Variants in SLC25A44 observed in about 807,000 individuals in gnomAD.
SLC25A44 encodes the protein solute carrier family 25 member 44.
In SLC25A44, 17 loss-of-function variants were observed where a neutral mutation model predicts 29.9. The ratio of observed to expected loss-of-function variants is 0.57; its 90% CI spans 0.39 to 0.85. The LOEUF is 0.85. Ranked by LOEUF, SLC25A44 falls within the 40% of genes least tolerant of loss-of-function variation. The pLI is 0.00. For synonymous variants in SLC25A44, 140 were observed against 151.8 expected (o/e 0.92, Z 0.57); for missense variants, 302 against 398.4 (o/e 0.76, Z 2.06).
chr1:156,205,865 C>A (rs1656896004), intron 2 of SLC25A44, among the ~76,000 whole-genome samples: 1 of 152,190 alleles, frequency 6.6e-6, no homozygotes, highest in Non-Finnish European at 1.5e-5. Context: ...ATGACCAGCT[C>A]ATGGTAGTCA....
chr1:156,200,173 C>T lies in SLC25A44; in HGVS notation c.326C>T (p.Thr109Ile). 1.2e-6 allele frequency: 2 copies of T among 1,614,206 alleles called. No individual in the cohort carries two copies. Among genetic ancestry groups the T allele is most frequent in the Non-Finnish European group, 8.5e-7 (1 of 1,180,024 alleles). The change falls in exon 2 of 4, where the codon ACA (threonine) becomes ATA (isoleucine). Residue 109 changes from threonine to isoleucine, a missense_variant. Thr to Ile is a moderately conservative substitution (Grantham distance 89). Coordinates refer to ENST00000359511, the MANE Select transcript of SLC25A44 (RefSeq NM_014655.4). ...KFVADYSQSNTVKSLVAGGSA... is the reference protein window; with the variant it reads ...KFVADYSQSNIVKSLVAGGSA... ...GTAGCTGACTACAGCCAGAGTAACA[C>T]AGTCAAATCACTGGTGGCTGGTGGC...
chr1:156,203,789 C>T (rs1260118223), intron 2 of SLC25A44, among the ~76,000 whole-genome samples: 2 of 150,814 alleles, frequency 1.3e-5, no homozygotes, highest in East Asian at 1.9e-4. Flanking sequence ...CTGCAAGCCC[C>T]GCCTCCTGGG....
rs1656431035 is a variant in SLC25A44, at chr1:156,199,753, G to A, written c.-13-82G>A. On this transcript the variant is annotated intron_variant, in intron 1 of 3. Coordinates refer to ENST00000359511, the MANE Select transcript of SLC25A44 (RefSeq NM_014655.4). ...GTCCAGGAGATGAGGGCTGAGAATG[G>A]GCCTTCAGAGCCCAGCCAGAAGGGG... 5.7e-6 allele frequency: 7 copies of A among 1,227,598 alleles called. No individual in the cohort carries two copies. In the East Asian group the frequency reaches 1.4e-4, roughly 24 times the overall value. The allele number at this position is 1,227,598 out of a possible 1,614,324, so 76.0% of individuals were successfully genotyped here. A position where few individuals can be genotyped will look rare whatever the true frequency, so the allele number is the denominator to read the frequency against.
At chr1:156,205,672 C>G (rs1304046227) in intron 2 of SLC25A44, among the ~76,000 whole-genome samples, 1 of 152,184 alleles carries the variant, frequency 6.6e-6, no homozygotes, top group East Asian at 1.9e-4. Context: ...CAACCCCTTC[C>G]CTTCCACTGT....
Position 156,200,161 on chromosome 1 carries a change from G to A in SLC25A44, c.314G>A (p.Ser105Asn). The A allele has an allele frequency of 1.2e-6, 2 of 1,614,206 alleles. No homozygotes were observed. The highest frequency in any genetic ancestry group is 1.7e-6 in the Non-Finnish European group (2 of 1,180,034). The stretch of plus-strand genomic sequence containing the variant: ...ACCCGGAAGTTTGTAGCTGACTACA[G>A]CCAGAGTAACACAGTCAAATCACTG... The part of the protein sequence containing the change: ...ELTRKFVADY[S>N]QSNTVKSLVA... Residue 105 changes from serine to asparagine, a missense_variant, in exon 2 of 4, where the codon AGC (serine) becomes AAC (asparagine). By Grantham distance (46) the Ser-to-Asn change is conservative. Coordinates refer to ENST00000359511, the MANE Select transcript of SLC25A44 (RefSeq NM_014655.4).
In SLC25A44 at chr1:156,211,757, C is replaced by G. The variant is rs964757041; in HGVS notation, c.*1326C>G. On this transcript the variant is annotated 3_prime_UTR_variant, in exon 4 of 4. Coordinates refer to ENST00000359511, the MANE Select transcript of SLC25A44 (RefSeq NM_014655.4). Reference sequence around the variant, plus strand: ...CCTCCCTACCGCTACTCTCCCCAAGCCTGTGTTGCAGGTAGAGAGGTGCAG... The same window carrying G: ...CCTCCCTACCGCTACTCTCCCCAAGGCTGTGTTGCAGGTAGAGAGGTGCAG... 3 of 152,770 alleles carry G rather than the reference C, an allele frequency of 2.0e-5. No individual in the cohort carries two copies. The highest frequency in any genetic ancestry group is 1.3e-4 in the Admixed American group (2 of 15,270). The allele number at this position is 152,770 out of a possible 1,614,324, so 9.5% of individuals were successfully genotyped here.
In SLC25A44 at chr1:156,200,541, G is replaced by C. The variant is rs570978224; in HGVS notation, c.625+69G>C. ...AATGGGGCTGAGATACTGTTGCTTT[G>C]TGCATGTTAGAGTGGAGGTGAGATT... On this transcript the variant is annotated intron_variant, in intron 2 of 3. Coordinates refer to ENST00000359511, the MANE Select transcript of SLC25A44 (RefSeq NM_014655.4). 5.6e-6 allele frequency: 8 copies of C among 1,419,884 alleles called. No individual in the cohort carries two copies. The African/African-American group carries it at 9.9e-5, about 18-fold the overall frequency. The allele number at this position is 1,419,884 out of a possible 1,614,324, so 88.0% of individuals were successfully genotyped here. A position where few individuals can be genotyped will look rare whatever the true frequency, so the allele number is the denominator to read the frequency against.
At chr1:156,204,689 T>C (rs1356328362) in intron 2 of SLC25A44, among the ~76,000 whole-genome samples, 1 of 152,116 alleles carries the variant, frequency 6.6e-6, no homozygotes, top group Non-Finnish European at 1.5e-5. Flanking sequence ...GGTTTTACCA[T>C]GTTGGCCAGG....
intron 3 of SLC25A44, among the ~76,000 whole-genome samples, chr1:156,208,423 C>T (rs1465108898): frequency 1.3e-5 from 2 of 152,026 alleles, no homozygotes; most frequent in African/African-American, 4.8e-5. Context: ...GCCGAGATCA[C>T]GCCACTGCAC....
chr1:156,210,349 C>CG lies in SLC25A44; in HGVS notation c.863_864insG (p.Thr289HisfsTer9). On this transcript the variant is annotated frameshift_variant, in exon 4 of 4. Coordinates refer to ENST00000359511, the MANE Select transcript of SLC25A44 (RefSeq NM_014655.4). LOFTEE classifies it high-confidence loss of function. ...GCCAGAATCATCTCAGCCACACCTT[C>CG]CACCATTGTCATTGTGGTGGGCTAT... is the stretch of plus-strand genomic sequence containing the variant. The CG allele has an allele frequency of 6.2e-7, 1 of 1,609,436 alleles. No homozygotes were observed. The highest frequency in any genetic ancestry group is 8.5e-7 in the Non-Finnish European group (1 of 1,177,988).
intron 1 of SLC25A44, chr1:156,197,024 C>T (rs1481997501): frequency 6.6e-6 from 1 of 152,226 alleles, no homozygotes; most frequent in African/African-American, 2.4e-5. Flanking sequence ...CTACCTGACC[C>T]TCCATTTCCT....
At position 156,200,471 on chromosome 1, in the gene SLC25A44, A is replaced by T; in HGVS notation, c.624A>T (p.Ala208=). 1 of 1,600,406 alleles carries T rather than the reference A, an allele frequency of 6.2e-7. No homozygotes were observed. The highest frequency in any genetic ancestry group is 8.5e-7 in the Non-Finnish European group (1 of 1,172,558). ...AVWWPFYHFY[A]EQLSYLCPKE... The stretch of plus-strand genomic sequence containing the variant: ...GGTGGCCCTTCTATCACTTCTATGC[A>T]GGTAAGCAGGGGCCAGGACAGTGGG... The change falls in exon 2 of 4, where the codon GCA becomes GCT. Residue 208 remains alanine, a splice_region_variant and synonymous_variant. Coordinates refer to ENST00000359511, the MANE Select transcript of SLC25A44 (RefSeq NM_014655.4).
intron 2 of SLC25A44, among the ~76,000 whole-genome samples, chr1:156,206,377 A>G (rs1454180615): frequency 2.6e-5 from 4 of 151,794 alleles, no homozygotes; most frequent in Admixed American, 6.6e-5. Flanking sequence ...AGCTGGGATT[A>G]CAGGTGTGCA....
chr1:156,206,779 C>T (rs973193174), intron 2 of SLC25A44, among the ~76,000 whole-genome samples: 3 of 152,232 alleles, frequency 2.0e-5, no homozygotes, highest in African/African-American at 7.2e-5. Context: ...GTGATCCACC[C>T]ATCTTGGCCT....
chr1:156,197,300 CA>C (rs1656270401), intron 1 of SLC25A44: 2 of 152,238 alleles, frequency 1.3e-5, no homozygotes, highest in South Asian at 4.1e-4. Context: ...CAGCAAGTGG[CA>C]TATCATTGTT....
At chr1:156,202,204 G>C (rs1172566910) in intron 2 of SLC25A44, among the ~76,000 whole-genome samples, 3 of 152,088 alleles carry the variant, frequency 2.0e-5, no homozygotes, top group African/African-American at 7.2e-5. Context: ...CATACCTGCT[G>C]CCTTCCCTGG....
At chr1:156,197,487 G>C (rs942958956) in intron 1 of SLC25A44, 4 of 151,824 alleles carry the variant, frequency 2.6e-5, no homozygotes, top group African/African-American at 9.7e-5. Flanking sequence ...GGCTGGGTGC[G>C]GTGGCTCATG....
rs150008272 is a variant in SLC25A44 at position 156,209,325 on chromosome 1, G to T, written c.754-915G>T. Reference sequence around the variant, plus strand: ...AGGTGAAAAAGTCCTTGACATGGCTGTGGAAAAAGTGGAAGGGTTAGGGAA... The same window carrying T: ...AGGTGAAAAAGTCCTTGACATGGCTTTGGAAAAAGTGGAAGGGTTAGGGAA... On this transcript the variant is annotated intron_variant, in intron 3 of 3. Transcript: ENST00000359511. Among the ~76,000 whole-genome samples, 74 of 152,296 alleles carry T rather than the reference G, an allele frequency of 4.9e-4. 1 individual carries two copies. The highest frequency in any genetic ancestry group is 1.8e-3 in the African/African-American group (73 of 41,556).
chr1:156,201,217 A>AG (rs1368463528), intron 2 of SLC25A44, among the ~76,000 whole-genome samples: 1 of 152,158 alleles, frequency 6.6e-6, no homozygotes, highest in Non-Finnish European at 1.5e-5. Flanking sequence ...TTACTTTTTA[A>AG]GTATTTCCTA....
Sources: gnomAD v4.1 joint callset for allele counts (sites outside exome capture counted in the v4.1 genomes callset) on GRCh38, gnomAD v4.1.1 for gene constraint, MANE v1.5 for transcripts, NCBI Gene and HGNC (gene_info 2026-07-23, HGNC 2026-07-21) for gene names.